The following RAD51B variants were observed in gnomAD, a reference collection of about 807,000 sequenced individuals.
The protein encoded by RAD51B is RAD51 paralog B, also known as DNA repair protein RAD51 homolog 2.
RAD51B carries 38 observed loss-of-function variants against 42.2 expected under a neutral mutation model. The observed-to-expected ratio is 0.90, with a 90% confidence interval of 0.70 to 1.18. The LOEUF (loss-of-function observed/expected upper bound fraction) is 1.18, where lower values mean the gene tolerates loss of function less well. Ranked by LOEUF, RAD51B falls within the 50% of genes most tolerant of loss-of-function variation. RAD51B has a pLI of 0.00. For synonymous variants in RAD51B, 154 were observed against 145.2 expected (o/e 1.06, Z -0.43); for missense variants, 373 against 400.7 (o/e 0.93, Z 0.59).
At chr14:68,157,922 A>T (rs1022979) in intron 7 of RAD51B, among the ~76,000 whole-genome samples, 119,972 of 151,672 alleles carry the variant, frequency 0.79, 47,987 homozygotes, top group East Asian at 0.98. Flanking sequence ...TAAACTATTC[A>T]TCTGAGTGTT....
intron 7 of RAD51B, among the ~76,000 whole-genome samples, chr14:67,996,762 A>G (rs2075392289): frequency 6.6e-6 from 1 of 152,208 alleles, no homozygotes; most frequent in South Asian, 2.1e-4. Context: ...TTAAGAGATC[A>G]CTGGCTGCTG....
chr14:68,266,236 A>C (rs949993505), intron 7 of RAD51B, among the ~76,000 whole-genome samples: 1 of 152,248 alleles, frequency 6.6e-6, no homozygotes, highest in African/African-American at 2.4e-5. Flanking sequence ...TAACAAATTT[A>C]TTTAACAGAG....
At chr14:68,021,669 G>A (rs1314556719) in intron 7 of RAD51B, among the ~76,000 whole-genome samples, 1 of 152,052 alleles carries the variant, frequency 6.6e-6, no homozygotes, top group Non-Finnish European at 1.5e-5. Context: ...AGATATTGTG[G>A]GTTCAGTTCC....
intron 8 of RAD51B, among the ~76,000 whole-genome samples, chr14:68,317,697 A>C (rs913508775): frequency 6.6e-6 from 1 of 152,158 alleles, no homozygotes; most frequent in Non-Finnish European, 1.5e-5. Context: ...AGCAAAGAAC[A>C]CTTGGAATTT....
intron 11 of RAD51B, among the ~76,000 whole-genome samples, chr14:68,677,064 G>A (rs1181782780): frequency 6.6e-6 from 1 of 152,212 alleles, no homozygotes; most frequent in Non-Finnish European, 1.5e-5. Context: ...TCATAGATGA[G>A]GAAACTGAGG....
intron 4 of RAD51B, among the ~76,000 whole-genome samples, chr14:67,846,183 G>A (rs1217584653): frequency 6.6e-6 from 1 of 152,164 alleles, no homozygotes; most frequent in Non-Finnish European, 1.5e-5. Context: ...GGTGGGTGCG[G>A]CGCTGCCAGC....
chr14:67,957,254 T>A (rs1323027033), intron 7 of RAD51B, among the ~76,000 whole-genome samples: 1 of 152,246 alleles, frequency 6.6e-6, no homozygotes, highest in East Asian at 1.9e-4. Flanking sequence ...AGAATCCAAC[T>A]GCAGGAAATG....
At chr14:68,507,779 A>G (rs963898504) in intron 10 of RAD51B, among the ~76,000 whole-genome samples, 4 of 152,154 alleles carry the variant, frequency 2.6e-5, no homozygotes, top group African/African-American at 9.7e-5. Context: ...GCTGTCTTGA[A>G]CACCCACTTT....
intron 7 of RAD51B, among the ~76,000 whole-genome samples, chr14:68,128,617 G>A (rs553919778): frequency 8.5e-5 from 13 of 152,220 alleles, no homozygotes; most frequent in South Asian, 6.2e-4. Context: ...ACTTGAACCC[G>A]GGAGGCAGAG....
intron 10 of RAD51B, among the ~76,000 whole-genome samples, chr14:68,590,115 G>C (rs919959940): frequency 2.6e-5 from 4 of 152,308 alleles, no homozygotes; most frequent in Admixed American, 2.6e-4. Context: ...GCAGCCGACT[G>C]GGGTGTCACC....
At chr14:68,229,202 A>G (rs77480517) in intron 7 of RAD51B, among the ~76,000 whole-genome samples, 3,102 of 152,274 alleles carry the variant, frequency 0.02, 96 homozygotes, top group African/African-American at 0.065. Context: ...TGATTGTTCT[A>G]TCTTGCATTG....
intron 2 of RAD51B, among the ~76,000 whole-genome samples, chr14:67,823,869 GT>G (rs2040718198): frequency 6.6e-6 from 1 of 152,184 alleles, no homozygotes; most frequent in Non-Finnish European, 1.5e-5. Flanking sequence ...ATAAGGTGAA[GT>G]AACAGCTTTA....
chr14:67,879,080 T>G lies in RAD51B; in HGVS notation c.453-6789T>G, dbSNP rs148191753. Among the ~76,000 whole-genome samples the G allele has an allele frequency of 3.5e-3, 528 of 152,258 alleles. 5 individuals are homozygous for G. The highest frequency in any genetic ancestry group is 0.012 in the African/African-American group (513 of 41,548). ...AAAATAGAACCAGTAGAACATATAT[T>G]AAGAGAGTTATTGCAAAGAATTGGC... is the stretch of plus-strand genomic sequence containing the variant. On this transcript the variant is annotated intron_variant, in intron 5 of 10. Transcript: ENST00000471583.
chr14:68,411,255 C>T (rs1359671641), intron 8 of RAD51B, among the ~76,000 whole-genome samples, 169 bp from the exon 9 acceptor site: 1 of 152,188 alleles, frequency 6.6e-6, no homozygotes, highest in South Asian at 2.1e-4. Context: ...TTTTTAGTCT[C>T]ATATTCCTTA....
intron 7 of RAD51B, among the ~76,000 whole-genome samples, chr14:67,997,271 G>T (rs1214070325): frequency 6.6e-6 from 1 of 152,096 alleles, no homozygotes; most frequent in African/African-American, 2.4e-5. Context: ...CTTAGCCCAG[G>T]GCATTTCAAC....
At chr14:68,281,785 G>A (rs1292069767) in intron 7 of RAD51B, among the ~76,000 whole-genome samples, 3 of 152,172 alleles carry the variant, frequency 2.0e-5, no homozygotes, top group African/African-American at 7.2e-5. Context: ...TACTGGGCAG[G>A]TTTAGCCAGT....
At chr14:68,028,222 C>T (rs2075984267) in intron 7 of RAD51B, among the ~76,000 whole-genome samples, 1 of 152,224 alleles carries the variant, frequency 6.6e-6, no homozygotes, top group Non-Finnish European at 1.5e-5. Flanking sequence ...GTCATGCCCT[C>T]TGTCACCAGT....
At chr14:68,600,279 T>G (rs1314832285), downstream of RAD51B, among the ~76,000 whole-genome samples, 1 of 152,248 alleles carries the variant, frequency 6.6e-6, no homozygotes, top group Non-Finnish European at 1.5e-5. Flanking sequence ...TGTTTCTCCC[T>G]TTGGCTGGCC....
intron 9 of RAD51B, among the ~76,000 whole-genome samples, chr14:68,439,863 C>G (rs1036934111): frequency 6.6e-6 from 1 of 152,176 alleles, no homozygotes; most frequent in African/African-American, 2.4e-5. Flanking sequence ...GTTCCAGGGT[C>G]TGTATGCACA....
Sources: gnomAD v4.1 joint callset for allele counts (sites outside exome capture counted in the v4.1 genomes callset) on GRCh38, gnomAD v4.1.1 for gene constraint, MANE v1.5 for transcripts, NCBI Gene and HGNC (gene_info 2026-07-23, HGNC 2026-07-21) for gene names.